The following ASB4 variants were observed in gnomAD, a reference collection of about 807,000 sequenced individuals.
The protein encoded by ASB4 is ankyrin repeat and SOCS box protein 4.
ASB4 carries 35 observed loss-of-function variants against 38.6 expected under a neutral mutation model. The ratio of observed to expected loss-of-function variants is 0.91; its 90% CI spans 0.69 to 1.20. The LOEUF (loss-of-function observed/expected upper bound fraction) is 1.20. Among genes scored for constraint, ASB4 ranks in the 50% most tolerant of loss-of-function variants. The pLI is 0.00. For synonymous variants in ASB4, 195 were observed against 201.3 expected (o/e 0.97, Z 0.26); for missense variants, 557 against 527.2 (o/e 1.06, Z -0.55).
upstream of ASB4, among the ~76,000 whole-genome samples, chr7:95,484,197 G>A (rs1252281296): frequency 6.6e-6 from 1 of 151,960 alleles, no homozygotes; most frequent in South Asian, 2.1e-4. Flanking sequence ...CAGATGTGCT[G>A]GTTGCATGCC....
At position 95,528,178 on chromosome 7, in the gene ASB4, G is replaced by A. The variant is rs750596265; in HGVS notation, c.853G>A (p.Gly285Ser). 3.7e-6 allele frequency: 6 copies of A among 1,614,162 alleles called. No individual in the cohort carries two copies. Among genetic ancestry groups the A allele is most frequent in the Non-Finnish European group, 5.1e-6 (6 of 1,180,032 alleles). Reference protein sequence around the residue: ...GAEANLMDINGCAAIQYVLKV... With the variant: ...GAEANLMDINSCAAIQYVLKV... ...CGAAGCCAATCTCATGGATATCAAC[G>A]GCTGTGCTGCCATCCAGTACGTGCT... The change falls in exon 3 of 5, where the codon GGC becomes AGC. Residue 285 changes from glycine to serine, a missense_variant. Coordinates refer to ENST00000325885, the MANE Select transcript of ASB4 (RefSeq NM_016116.3).
intron 2 of ASB4, among the ~76,000 whole-genome samples, chr7:95,497,470 G>A (rs1019091558): frequency 2.0e-5 from 3 of 152,158 alleles, no homozygotes; most frequent in Admixed American, 6.5e-5. Flanking sequence ...TAGTAAATAG[G>A]CAGATAGTGA....
intron 2 of ASB4, among the ~76,000 whole-genome samples, chr7:95,523,681 A>G (rs1162794887): frequency 6.6e-6 from 1 of 152,176 alleles, no homozygotes; most frequent in East Asian, 1.9e-4. Flanking sequence ...GGGGGAATTT[A>G]TTCCAAGGAA....
chr7:95,536,877 T>C (rs1790896516), intron 4 of ASB4, among the ~76,000 whole-genome samples: 1 of 152,226 alleles, frequency 6.6e-6, no homozygotes, highest in South Asian at 2.1e-4. Flanking sequence ...TTTACCAGAA[T>C]ATTAAAGCGT....
At chr7:95,491,938 G>A (rs999544293) in intron 1 of ASB4, among the ~76,000 whole-genome samples, 1 of 152,146 alleles carries the variant, frequency 6.6e-6, no homozygotes, top group Non-Finnish European at 1.5e-5. Flanking sequence ...AAAATCCCTA[G>A]CCCCACATTA....
At chr7:95,515,173 CTTTCTTTCTTTCTT>C (rs1790542033) in intron 2 of ASB4, among the ~76,000 whole-genome samples, 1 of 65,302 alleles carries the variant, frequency 1.5e-5, no homozygotes, top group Non-Finnish European at 3.2e-5. Flanking sequence ...CTTTCTCTTT[CTTTCTTTCTTTCTT>C]TCTTTCTTTC....
upstream of ASB4, among the ~76,000 whole-genome samples, chr7:95,476,513 A>AG (rs1789978718): frequency 1.3e-5 from 2 of 152,200 alleles, no homozygotes; most frequent in South Asian, 4.1e-4. Context: ...TACCCCCTGG[A>AG]GCAATCAAGG....
chr7:95,487,472 C>T (rs951952239), intron 1 of ASB4, among the ~76,000 whole-genome samples: 8 of 152,100 alleles, frequency 5.3e-5, no homozygotes, highest in African/African-American at 1.9e-4. Flanking sequence ...AGGTTCAAGT[C>T]AGTGGGTAAG....
chr7:95,505,351 T>C (rs1183790784), intron 2 of ASB4, among the ~76,000 whole-genome samples: 2 of 152,146 alleles, frequency 1.3e-5, no homozygotes, highest in Non-Finnish European at 2.9e-5. Flanking sequence ...AGAAAAGATA[T>C]ATTTATAATA....
At chr7:95,471,344 A>G in the ASB4 span, among the ~76,000 whole-genome samples, 1 of 152,176 alleles carries the variant, frequency 6.6e-6, no homozygotes, top group East Asian at 1.9e-4. Context: ...TTTGCAAAAC[A>G]ATGTGAATTC....
intron 2 of ASB4, among the ~76,000 whole-genome samples, chr7:95,518,483 T>C (rs1212177087): frequency 1.3e-5 from 2 of 152,236 alleles, no homozygotes; most frequent in Non-Finnish European, 2.9e-5. Context: ...TATGTGACAG[T>C]GAGAAATAAC....
At chr7:95,535,196 G>A (rs901565793) in intron 3 of ASB4, among the ~76,000 whole-genome samples, 1 of 152,250 alleles carries the variant, frequency 6.6e-6, no homozygotes, top group African/African-American at 2.4e-5. Context: ...GGCAATGCTA[G>A]ACCACCTATG....
upstream of ASB4, among the ~76,000 whole-genome samples, chr7:95,481,910 G>A (rs1179510371): frequency 6.6e-6 from 1 of 152,176 alleles, no homozygotes; most frequent in Non-Finnish European, 1.5e-5. Flanking sequence ...TTTAAGAGCT[G>A]AGGAGACAGG....
chr7:95,492,633 A>G (rs1053727673), intron 1 of ASB4, among the ~76,000 whole-genome samples: 1 of 152,156 alleles, frequency 6.6e-6, no homozygotes, highest in African/African-American at 2.4e-5. Flanking sequence ...TGTTTTCTTA[A>G]TCAGCTCTCT....
intron 2 of ASB4, among the ~76,000 whole-genome samples, chr7:95,510,574 C>A (rs1468307943): frequency 6.6e-6 from 1 of 152,070 alleles, no homozygotes; most frequent in African/African-American, 2.4e-5. Context: ...TTTTTTTCTC[C>A]AAACACTAAT....
chr7:95,487,300 T>A (rs1790105912), intron 1 of ASB4, among the ~76,000 whole-genome samples: 1 of 152,276 alleles, frequency 6.6e-6, no homozygotes, highest in Non-Finnish European at 1.5e-5. Context: ...AGAAGGGATC[T>A]ATTTTTTAAA....
At chr7:95,500,783 T>C (rs967693078) in intron 2 of ASB4, among the ~76,000 whole-genome samples, 1 of 152,146 alleles carries the variant, frequency 6.6e-6, no homozygotes, top group Non-Finnish European at 1.5e-5. Context: ...TCAACTGTTA[T>C]TTCTATGAAT....
At chr7:95,477,742 T>C (rs1409548152), upstream of ASB4, among the ~76,000 whole-genome samples, 1 of 152,022 alleles carries the variant, frequency 6.6e-6, no homozygotes, top group East Asian at 1.9e-4. Flanking sequence ...AACCTTTTTT[T>C]TTTTTTTTGC....
At chr7:95,520,210 G>A (rs760693855) in intron 2 of ASB4, among the ~76,000 whole-genome samples, 6 of 152,186 alleles carry the variant, frequency 3.9e-5, no homozygotes, top group Admixed American at 2.6e-4. Flanking sequence ...CCTCTGACAC[G>A]GTGGTGGGTA....
Sources: allele counts gnomAD v4.1 joint callset (sites outside exome capture counted in the v4.1 genomes callset), GRCh38; gene constraint gnomAD v4.1.1; transcripts MANE v1.5; gene names NCBI Gene and HGNC (gene_info 2026-07-23, HGNC 2026-07-21).